The following TRPM6 variants were observed in gnomAD, a reference collection of about 807,000 sequenced individuals.
TRPM6 encodes the protein transient receptor potential cation channel subfamily M member 6.
Under a neutral mutation model 247.6 loss-of-function variants are expected in TRPM6, and 111 were observed. That is an observed-to-expected ratio of 0.45 (90% CI 0.38 to 0.52). The LOEUF is 0.52. TRPM6 is among the 20% of genes least tolerant of loss of function. The probability of loss-of-function intolerance (pLI) is 0.00; values close to 1 mark genes in which losing one functional copy is unlikely to be tolerated. For synonymous variants in TRPM6, 892 were observed against 853.8 expected (o/e 1.04, Z -0.78); for missense variants, 2,126 against 2,421.5 (o/e 0.88, Z 2.56).
intron 12 of TRPM6, among the ~76,000 whole-genome samples, chr9:74,811,505 T>G (rs1246925723): frequency 6.6e-6 from 1 of 152,198 alleles, no homozygotes; most frequent in Non-Finnish European, 1.5e-5. Context: ...AGTGTGTAAG[T>G]CAGGCTAGTT....
Position 74,800,438 on chromosome 9 carries a change from T to C in TRPM6, c.2054A>G (p.Lys685Arg). ...CGTCATGGCCATGCGCTCATTCTGC[T>C]TGAATGCCTTCTCCAACAAGTCCAG... Reference protein sequence around the residue: ...LALDLLEKAFKQNERMAMTLL... With the variant: ...LALDLLEKAFRQNERMAMTLL... Residue 685 changes from lysine to arginine, a missense_variant, in exon 17 of 39, where the codon AAG (lysine) becomes AGG (arginine). By Grantham distance (26) the Lys-to-Arg change is conservative. Around this residue, in one of 3 missense-constraint regions of TRPM6, gnomAD observed 1,082 missense variants for 1,307.9 expected, o/e 0.83. Transcript: ENST00000360774. The C allele has an allele frequency of 6.2e-7, 1 of 1,614,026 alleles. No individual in the cohort carries two copies. The highest frequency in any genetic ancestry group is 8.5e-7 in the Non-Finnish European group (1 of 1,180,026).
intron 13 of TRPM6, among the ~76,000 whole-genome samples, chr9:74,809,506 G>C (rs1262391422): frequency 1.3e-5 from 2 of 151,890 alleles, no homozygotes; most frequent in Non-Finnish European, 2.9e-5. Flanking sequence ...CTTTTTTCAA[G>C]GAATGCCAAA....
At chr9:74,814,485 G>A (rs964004580) in intron 11 of TRPM6, among the ~76,000 whole-genome samples, 2 of 152,086 alleles carry the variant, frequency 1.3e-5, no homozygotes, top group African/African-American at 4.8e-5. Flanking sequence ...AAATGCTTGA[G>A]GGGATGGATA....
chr9:74,785,482 G>A lies in TRPM6; in HGVS notation c.2919+392C>T, dbSNP rs181235980. Among the ~76,000 whole-genome samples the A allele has an allele frequency of 9.9e-4, 151 of 152,090 alleles. 1 individual carries two copies. The highest frequency in any genetic ancestry group is 1.8e-3 in the Admixed American group (27 of 15,262). On this transcript the variant is annotated intron_variant, in intron 21 of 38. Coordinates refer to ENST00000360774, the MANE Select transcript of TRPM6 (RefSeq NM_017662.5). ...TATATCAAAATATTCCATATACCCCGTAAATACATACAGTTACTTATGTAC... is the reference window on the plus strand; with the variant it reads ...TATATCAAAATATTCCATATACCCCATAAATACATACAGTTACTTATGTAC...
At chr9:74,862,980 CTAAA>C (rs778104662) in intron 1 of TRPM6, among the ~76,000 whole-genome samples, 2 of 151,550 alleles carry the variant, frequency 1.3e-5, no homozygotes, top group African/African-American at 4.8e-5. Flanking sequence ...GACTCTGTCT[CTAAA>C]TAAATAAATA....
At chr9:74,806,255 C>A (rs541849643) in intron 14 of TRPM6, among the ~76,000 whole-genome samples, 5 of 151,588 alleles carry the variant, frequency 3.3e-5, no homozygotes, top group Non-Finnish European at 5.9e-5. Flanking sequence ...GAAAAAAAAA[C>A]CATAGGCTTT....
chr9:74,834,231 T>G, intron 5 of TRPM6, 109 bp from the exon 6 acceptor site: 1 of 1,324,486 alleles, frequency 7.6e-7, no homozygotes, highest in Non-Finnish European at 1.1e-6. Context: ...GGGCTATTCT[T>G]AGGGAGAGTT....
At chr9:74,834,456 CTTATTA>C (rs113274138) in intron 5 of TRPM6, among the ~76,000 whole-genome samples, 5 of 150,088 alleles carry the variant, frequency 3.3e-5, no homozygotes, top group East Asian at 1.9e-4. Context: ...ATTATGAATG[CTTATTA>C]TTATTATTAT....
At position 74,827,763 on chromosome 9, in the gene TRPM6, C is replaced by T; in HGVS notation, c.841+15G>A. 6.2e-7 allele frequency: 1 copy of T among 1,613,814 alleles called. No homozygotes were observed. The highest frequency in any genetic ancestry group is 8.5e-7 in the Non-Finnish European group (1 of 1,179,852). On this transcript the variant is annotated intron_variant, in intron 7 of 38. Transcript: ENST00000360774. Reference sequence around the variant, plus strand: ...CTGCAACCAGACTGGGTGACTGAGCCCCTGTGATACTCACGGCAGTGTATT... The same window carrying T: ...CTGCAACCAGACTGGGTGACTGAGCTCCTGTGATACTCACGGCAGTGTATT...
intron 1 of TRPM6, among the ~76,000 whole-genome samples, chr9:74,858,989 A>G (rs762374792): frequency 2.0e-5 from 3 of 152,224 alleles, no homozygotes; most frequent in Non-Finnish European, 4.4e-5. Flanking sequence ...TTTGAGTAAC[A>G]AAAGCCCTAC....
chr9:74,785,677 C>A (rs897521046), intron 21 of TRPM6, among the ~76,000 whole-genome samples, 197 bp downstream of exon 21: 1 of 152,128 alleles, frequency 6.6e-6, no homozygotes, highest in African/African-American at 2.4e-5. Flanking sequence ...TGCCCACCAC[C>A]ATGCCCGGCT....
At chr9:74,834,398 T>C (rs1045932825) in intron 5 of TRPM6, among the ~76,000 whole-genome samples, 1 of 152,136 alleles carries the variant, frequency 6.6e-6, no homozygotes, top group Admixed American at 6.5e-5. Flanking sequence ...TACTCTTGCC[T>C]AAGCAAAATG....
chr9:74,765,885 T>A (rs1826810561), intron 25 of TRPM6, among the ~76,000 whole-genome samples: 1 of 152,244 alleles, frequency 6.6e-6, no homozygotes. Context: ...GAACCCTCTC[T>A]TTCTTGCTTC....
At chr9:74,781,415 AATC>A (rs1827440249) in intron 23 of TRPM6, among the ~76,000 whole-genome samples, 1 of 151,804 alleles carries the variant, frequency 6.6e-6, no homozygotes, top group Admixed American at 6.6e-5. Flanking sequence ...AGGCGCCTGT[AATC>A]CCATCTACTT....
chr9:74,803,632 G>A (rs1828422143), intron 15 of TRPM6, among the ~76,000 whole-genome samples, 162 bp downstream of exon 15: 1 of 152,162 alleles, frequency 6.6e-6, no homozygotes, highest in African/African-American at 2.4e-5. Context: ...GCTCACTGTT[G>A]TTACTGGACA....
chr9:74,784,790 A>G (rs1366089559), intron 21 of TRPM6, among the ~76,000 whole-genome samples: 1 of 152,158 alleles, frequency 6.6e-6, no homozygotes, highest in Non-Finnish European at 1.5e-5. Context: ...CAGTGGTGAC[A>G]TGATCTTGCT....
intron 1 of TRPM6, among the ~76,000 whole-genome samples, chr9:74,884,015 G>A (rs1831448006): frequency 6.6e-6 from 1 of 152,174 alleles, no homozygotes; most frequent in Non-Finnish European, 1.5e-5. Context: ...TGGGCATGGT[G>A]GCACATGCCT....
intron 31 of TRPM6, among the ~76,000 whole-genome samples, chr9:74,745,275 A>G (rs1825999854): frequency 6.6e-6 from 1 of 152,224 alleles, no homozygotes; most frequent in African/African-American, 2.4e-5. Flanking sequence ...TCACTGCTTA[A>G]GGAGCTGTGA....
intron 1 of TRPM6, among the ~76,000 whole-genome samples, chr9:74,874,785 T>C (rs1432692686): frequency 6.6e-6 from 1 of 151,056 alleles, no homozygotes; most frequent in East Asian, 1.9e-4. Flanking sequence ...AGACAATGTC[T>C]CACTGTGTCA....
Sources: gnomAD v4.1 joint callset for allele counts (sites outside exome capture counted in the v4.1 genomes callset) on GRCh38, gnomAD v4.1.1 for gene constraint, gnomAD v4.1.1 regional missense constraint, MANE v1.5 for transcripts, NCBI Gene and HGNC (gene_info 2026-07-23, HGNC 2026-07-21) for gene names.